The following IFI16 variants were observed in gnomAD, a reference collection of about 807,000 sequenced individuals.
IFI16 encodes the protein gamma-interferon-inducible protein 16.
A neutral mutation model predicts 68.4 loss-of-function variants in IFI16; 49 were observed. That is an observed-to-expected ratio of 0.72 (90% CI 0.57 to 0.91). The LOEUF is 0.91. Among genes scored for constraint, IFI16 ranks in the 40% least tolerant of loss-of-function variants. The pLI is 0.00. For missense variants in IFI16, 878 were observed against 942.9 expected (o/e 0.93, Z 0.90); for synonymous variants, 307 against 315.0 (o/e 0.97, Z 0.27).
chr1:159,012,887 AT>A (rs1174912981), intron 1 of IFI16, among the ~76,000 whole-genome samples: 1 of 151,940 alleles, frequency 6.6e-6, no homozygotes, highest in Non-Finnish European at 1.5e-5. Flanking sequence ...TCCATTGAAA[AT>A]TTTTTTTGGT....
At position 159,020,361 on chromosome 1, in the gene IFI16, C is replaced by A; in HGVS notation, c.993C>A (p.Thr331=). ...MLHKKTVNQK[T]TIYEIQDDRG... Reference sequence around the variant, plus strand: ...TACAGAAAACAGTAAATCAGAAGACCACAATCTACGAAATTCAGGATGATA... The same window carrying A: ...TACAGAAAACAGTAAATCAGAAGACAACAATCTACGAAATTCAGGATGATA... Residue 331 remains threonine (T), a synonymous_variant, in exon 6 of 12, where the codon ACC becomes ACA. Transcript: ENST00000295809. 6.2e-7 allele frequency: 1 copy of A among 1,608,284 alleles called. No individual in the cohort carries two copies.
chr1:159,039,973 T>C (rs543401165), intron 7 of IFI16, among the ~76,000 whole-genome samples: 2 of 152,330 alleles, frequency 1.3e-5, no homozygotes, highest in Admixed American at 1.3e-4. Context: ...TACAGACATT[T>C]TGAAAACCAA....
In IFI16 at chr1:159,016,713, T is replaced by G; in HGVS notation, c.549+13T>G. On this transcript the variant is annotated intron_variant, in intron 4 of 11. Transcript: ENST00000295809. Reference sequence around the variant, plus strand: ...TTCTTCAACTGAGGTACACTCTTCCTGGTCCCATTTTGCTTTGTTTTTTTC... The same window carrying G: ...TTCTTCAACTGAGGTACACTCTTCCGGGTCCCATTTTGCTTTGTTTTTTTC... The G allele has an allele frequency of 1.3e-6, 2 of 1,599,902 alleles. No homozygotes were observed. Among genetic ancestry groups the G allele is most frequent in the South Asian group, 2.3e-5 (2 of 88,686 alleles).
chr1:159,007,367 T>A (rs1482176056), upstream of IFI16, among the ~76,000 whole-genome samples: 1 of 152,054 alleles, frequency 6.6e-6, no homozygotes, highest in East Asian at 1.9e-4. Context: ...AAAATGACAT[T>A]CACACAAGCT....
Position 159,032,364 on chromosome 1 carries a change from AT to A in IFI16, c.1162-159del, listed in dbSNP as rs1025176621. 4.2e-3 allele frequency: 1,722 copies of A among 409,734 alleles called. 1 individual carries two copies. Among genetic ancestry groups the A allele is most frequent in the Non-Finnish European group, 5.0e-3 (1,182 of 235,736 alleles). 25.4% of individuals were successfully genotyped at this position (409,734 alleles called of 1,614,324 possible). On this transcript the variant is annotated intron_variant, in intron 6 of 11. Transcript: ENST00000295809. ...ATCATTCCACATTTTAGCAAAAAAA[AT>A]ATTCTGACAATTGCCTGGAGGGATA...
chr1:159,043,690 C>T (rs1654805642), intron 7 of IFI16, among the ~76,000 whole-genome samples: 1 of 152,028 alleles, frequency 6.6e-6, no homozygotes, highest in Non-Finnish European at 1.5e-5. Context: ...TGTTACGTAT[C>T]CTGAAGTGAA....
intron 9 of IFI16, among the ~76,000 whole-genome samples, chr1:159,050,172 G>A (rs61533256): frequency 5.3e-5 from 8 of 151,734 alleles, no homozygotes; most frequent in East Asian, 1.9e-4. Flanking sequence ...TTAATATATC[G>A]TGAACTGCCA....
intron 3 of IFI16, 80 bp downstream of exon 3, chr1:159,016,067 A>C (rs1035301841): frequency 1.1e-5 from 9 of 852,498 alleles, no homozygotes; most frequent in Non-Finnish European, 1.5e-5. Flanking sequence ...TCTCTCCAGC[A>C]GGCAGTTATT....
chr1:159,029,024 T>C (rs915880929), intron 6 of IFI16, among the ~76,000 whole-genome samples: 2 of 152,222 alleles, frequency 1.3e-5, no homozygotes, highest in African/African-American at 4.8e-5. Context: ...ATTTTATTCA[T>C]CATGCCATTT....
At chr1:159,049,983 T>A (rs892040012) in intron 9 of IFI16, among the ~76,000 whole-genome samples, 2 of 152,274 alleles carry the variant, frequency 1.3e-5, no homozygotes, top group East Asian at 3.9e-4. Flanking sequence ...GTTTAAAAAT[T>A]TAGGAAAGGA....
chr1:159,044,491 CT>C (rs1298901644), intron 7 of IFI16, among the ~76,000 whole-genome samples: 2 of 152,088 alleles, frequency 1.3e-5, no homozygotes, highest in African/African-American at 4.8e-5. Flanking sequence ...ACAAGCAGTT[CT>C]TTTGTGTACC....
intron 4 of IFI16, among the ~76,000 whole-genome samples, 160 bp downstream of exon 4, chr1:159,016,860 T>C (rs1652965330): frequency 6.6e-6 from 1 of 152,250 alleles, no homozygotes; most frequent in Non-Finnish European, 1.5e-5. Context: ...ACAGGGATAC[T>C]TGATGAACTT....
chr1:159,011,136 C>CT (rs34540201), intron 1 of IFI16, among the ~76,000 whole-genome samples: 23,317 of 152,112 alleles, frequency 0.15, 1,964 homozygotes, highest in Middle Eastern at 0.19. Context: ...AATCCCAGTA[C>CT]TTTGGGGGAG....
rs569361059 is a variant in IFI16, at chr1:159,018,907, T to C, written c.972+256T>C. 2.2e-4 allele frequency among the ~76,000 whole-genome samples: 34 copies of C among 152,342 alleles called. 1 individual carries two copies. The highest frequency in any genetic ancestry group is 7.9e-4 in the African/African-American group (33 of 41,566). On this transcript the variant is annotated intron_variant, in intron 5 of 11. Coordinates refer to ENST00000295809, the MANE Select transcript of IFI16 (RefSeq NM_001376587.1). The stretch of plus-strand genomic sequence containing the variant: ...AATGTTCACTGAGAAACCTTAAGAC[T>C]TTATCAGTTGTTATTATCTATGCTA...
In IFI16 at chr1:159,046,643, A is replaced by C. The variant is rs115506051; in HGVS notation, c.1497+1179A>C. 8.3e-3 allele frequency among the ~76,000 whole-genome samples: 1,258 copies of C among 151,188 alleles called. 42 individuals carry two copies. Among genetic ancestry groups the C allele is most frequent in the African/African-American group, 0.029 (1,186 of 41,338 alleles). The stretch of plus-strand genomic sequence containing the variant: ...CCATACATCAGAGGTTAGTTTCACT[A>C]TCCATGCTCTTAACCACATCAAGGG... On this transcript the variant is annotated intron_variant, in intron 8 of 11. Coordinates refer to ENST00000295809, the MANE Select transcript of IFI16 (RefSeq NM_001376587.1).
At chr1:159,006,894 C>T (rs192203533), upstream of IFI16, among the ~76,000 whole-genome samples, 2 of 152,218 alleles carry the variant, frequency 1.3e-5, no homozygotes, top group East Asian at 3.9e-4. Context: ...CTTTTATGTC[C>T]GTAATTTTGT....
chr1:159,007,310 C>T (rs932357300), upstream of IFI16, among the ~76,000 whole-genome samples: 55 of 152,172 alleles, frequency 3.6e-4, no homozygotes, highest in African/African-American at 1.2e-3. Flanking sequence ...AAACAATGCC[C>T]TTGTGCTAAT....
intron 6 of IFI16, 73 bp from the exon 7 acceptor site, chr1:159,032,451 A>G (rs1654054258): frequency 7.7e-6 from 7 of 904,648 alleles, no homozygotes; most frequent in African/African-American, 1.7e-5. Context: ...AAAGGATGAT[A>G]TTCTCACAAA....
chr1:159,031,919 A>T (rs856056), intron 6 of IFI16, among the ~76,000 whole-genome samples: 106,837 of 152,166 alleles, frequency 0.7, 40,256 homozygotes, highest in Admixed American at 0.84. Flanking sequence ...TGGAATAGGA[A>T]AGACTTGTTC....
Sources: allele counts gnomAD v4.1 joint callset (sites outside exome capture counted in the v4.1 genomes callset), GRCh38; gene constraint gnomAD v4.1.1; transcripts MANE v1.5; gene names NCBI Gene and HGNC (gene_info 2026-07-23, HGNC 2026-07-21).